MALRD1: variants seen among roughly 807,000 people sequenced by gnomAD.
MALRD1 encodes MAM and LDL receptor class A domain containing 1, also known as MAM and LDL-receptor class A domain-containing protein 1.
In MALRD1, 247 loss-of-function variants were observed where a neutral mutation model predicts 242.1. The ratio of observed to expected loss-of-function variants is 1.02; its 90% CI spans 0.92 to 1.13. MALRD1 has a LOEUF of 1.13. MALRD1 is among the 50% of genes most tolerant of loss of function. MALRD1 has a pLI of 0.00. For synonymous variants in MALRD1, 995 were observed against 866.6 expected, an observed-to-expected ratio of 1.15 and a Z score of -2.60; for missense variants, 2,989 against 2,533.1, an observed-to-expected ratio of 1.18 and a Z score of -3.86.
In MALRD1 at chr10:19,348,044, CCAAA is replaced by C. The variant is rs1285695628; in HGVS notation, c.4149+33_4149+36del. 21 of 1,542,798 alleles carry C rather than the reference CCAAA, an allele frequency of 1.4e-5. No individual in the cohort carries two copies. In the Admixed American group the frequency reaches 3.4e-4, roughly 25 times the overall value. On this transcript the variant is annotated intron_variant, in intron 25 of 39. Transcript: ENST00000454679. ...GTATGGGGAAAATCGAACCAACCAA[CCAAA>C]CAAACACAGAATTATTGTGAGCAAG...
intron 28 of MALRD1, among the ~76,000 whole-genome samples, chr10:19,449,547 G>A (rs188154607): frequency 1.5e-3 from 232 of 152,058 alleles, no homozygotes; most frequent in African/African-American, 5.0e-3. Flanking sequence ...GATAAACTAT[G>A]TCATAGTTAT....
chr10:19,283,264 C>T, intron 21 of MALRD1, 83 bp downstream of exon 21: 8 of 1,148,762 alleles, frequency 7.0e-6, no homozygotes, highest in Non-Finnish European at 9.1e-6. Flanking sequence ...CCACCTTATC[C>T]TAGGCCAATG....
intron 2 of MALRD1, among the ~76,000 whole-genome samples, chr10:19,086,163 G>C (rs1002195594): frequency 2.0e-5 from 3 of 151,988 alleles, no homozygotes; most frequent in Non-Finnish European, 2.9e-5. Context: ...ATATTCATAA[G>C]CAATCGTTAA....
intron 28 of MALRD1, among the ~76,000 whole-genome samples, chr10:19,408,249 A>T (rs924804327): frequency 6.6e-6 from 1 of 152,228 alleles, no homozygotes; most frequent in East Asian, 1.9e-4. Flanking sequence ...AAGGGTAAGG[A>T]ATAGGAATTG....
At chr10:19,362,314 C>G (rs1244525583) in intron 26 of MALRD1, among the ~76,000 whole-genome samples, 1 of 152,036 alleles carries the variant, frequency 6.6e-6, no homozygotes, top group Non-Finnish European at 1.5e-5. Flanking sequence ...TTCCTGGTAA[C>G]TGTAGATAAT....
intron 38 of MALRD1, among the ~76,000 whole-genome samples, chr10:19,713,780 C>T (rs977217487): frequency 3.9e-5 from 6 of 152,262 alleles, no homozygotes; most frequent in South Asian, 2.1e-4. Context: ...TGCACAGTGA[C>T]GTGCAGAGAA....
intron 22 of MALRD1, among the ~76,000 whole-genome samples, chr10:19,325,382 TG>T (rs1171880401): frequency 6.7e-6 from 1 of 149,588 alleles, no homozygotes; most frequent in Non-Finnish European, 1.5e-5. Flanking sequence ...GTCCTGTCTC[TG>T]GAATTAACTA....
chr10:19,523,366 C>T (rs144655611), intron 31 of MALRD1, among the ~76,000 whole-genome samples: 2 of 152,320 alleles, frequency 1.3e-5, no homozygotes, highest in African/African-American at 4.8e-5. Context: ...GCTTTCCACA[C>T]TCCTCCAGGT....
rs961569195 is a variant in MALRD1 at position 19,324,070 on chromosome 10, A to G, written c.3541A>G (p.Thr1181Ala). ...TGPKCTLVFW[T>A]HMNGATVGSL... is the part of the protein sequence containing the mutation. The stretch of plus-strand genomic sequence containing the variant: ...ACCAAAATGTACCTTGGTGTTCTGG[A>G]CACATATGAATGGGGCCACCGTTGG... The change falls in exon 22 of 40, where the codon ACA (threonine) becomes GCA (alanine). Residue 1181 changes from threonine to alanine, a missense_variant. Thr to Ala is a moderately conservative substitution (Grantham distance 58, BLOSUM62 0). Coordinates refer to ENST00000454679, the MANE Select transcript of MALRD1 (RefSeq NM_001142308.3). 1 of 1,550,430 alleles carries G rather than the reference A, an allele frequency of 6.4e-7. No homozygotes were observed. Among genetic ancestry groups the G allele is most frequent in the Non-Finnish European group, 8.7e-7 (1 of 1,146,810 alleles).
intron 31 of MALRD1, among the ~76,000 whole-genome samples, chr10:19,510,918 G>A (rs1181115208): frequency 1.3e-5 from 2 of 152,162 alleles, no homozygotes; most frequent in African/African-American, 4.8e-5. Flanking sequence ...ATTTATCCGT[G>A]TGCAGCAAGA....
At chr10:19,374,931 A>C (rs1845535842) in intron 26 of MALRD1, among the ~76,000 whole-genome samples, 1 of 152,236 alleles carries the variant, frequency 6.6e-6, no homozygotes, top group South Asian at 2.1e-4. Context: ...ATTGTAAATC[A>C]GAAGCAAAGG....
intron 26 of MALRD1, among the ~76,000 whole-genome samples, chr10:19,372,021 T>C (rs1845402481): frequency 6.6e-6 from 1 of 152,162 alleles, no homozygotes; most frequent in Admixed American, 6.5e-5. Flanking sequence ...CCAGAACACA[T>C]ACAAGTGAAC....
At chr10:19,485,825 C>A (rs1589144614) in intron 29 of MALRD1, among the ~76,000 whole-genome samples, 1 of 151,858 alleles carries the variant, frequency 6.6e-6, no homozygotes, top group Non-Finnish European at 1.5e-5. Context: ...TATGAAGAAG[C>A]TAAACATAGT....
chr10:19,211,127 A>G lies in MALRD1; in HGVS notation c.2991+1447A>G, dbSNP rs183471496. On this transcript the variant is annotated intron_variant, in intron 18 of 39. Transcript: ENST00000454679. Reference sequence around the variant, plus strand: ...ATGTAGTGGATAAGCCCTTCTTATGATATTTACTCAAGGATTGGTTTCCAG... The same window carrying G: ...ATGTAGTGGATAAGCCCTTCTTATGGTATTTACTCAAGGATTGGTTTCCAG... Among the ~76,000 whole-genome samples the G allele has an allele frequency of 4.6e-4, 70 of 152,236 alleles. 1 individual carries two copies. The South Asian group carries it at 0.011, about 25-fold the overall frequency.
intron 21 of MALRD1, among the ~76,000 whole-genome samples, chr10:19,321,997 T>C (rs1842931068): frequency 6.6e-6 from 1 of 152,132 alleles, no homozygotes. Context: ...GGTGGTAGCA[T>C]TAAAATTGGA....
chr10:19,712,475 G>A (rs557374773), intron 38 of MALRD1, among the ~76,000 whole-genome samples: 1 of 152,296 alleles, frequency 6.6e-6, no homozygotes, highest in African/African-American at 2.4e-5. Context: ...TTGTGGATAT[G>A]CAGGAGTCAT....
At position 19,191,323 on chromosome 10, in the gene MALRD1, C is replaced by CA. The variant is rs547438119; in HGVS notation, c.1952-12399dup. Reference sequence around the variant, plus strand: ...AATAAAAACCAAAAACAAAACCAAACAAAAAACCAATCCAGAAGTTAACAA... The same window carrying CA: ...AATAAAAACCAAAAACAAAACCAAACAAAAAAACCAATCCAGAAGTTAACAA... On this transcript the variant is annotated intron_variant, in intron 14 of 39. Transcript: ENST00000454679. Among the ~76,000 whole-genome samples the CA allele has an allele frequency of 1.9e-3, 284 of 152,138 alleles. 2 individuals are homozygous for CA. Among genetic ancestry groups the CA allele is most frequent in the African/African-American group, 6.5e-3 (269 of 41,508 alleles).
chr10:19,217,157 A>C (rs554139476), intron 18 of MALRD1, among the ~76,000 whole-genome samples: 10 of 152,154 alleles, frequency 6.6e-5, no homozygotes, highest in African/African-American at 2.4e-4. Flanking sequence ...GATCTTTCTA[A>C]AATGCAAACC....
intron 19 of MALRD1, among the ~76,000 whole-genome samples, chr10:19,276,112 T>A (rs1840510706): frequency 6.6e-6 from 1 of 152,196 alleles, no homozygotes; most frequent in South Asian, 2.1e-4. Flanking sequence ...TAAAACTTTA[T>A]TATCTAAATA....
Sources: allele counts gnomAD v4.1 joint callset (sites outside exome capture counted in the v4.1 genomes callset), GRCh38; gene constraint gnomAD v4.1.1; transcripts MANE v1.5; gene names NCBI Gene and HGNC (gene_info 2026-07-23, HGNC 2026-07-21).